Variants in CTNNA2 observed in about 807,000 individuals in gnomAD.
The protein encoded by CTNNA2 is catenin alpha-2.
Under a neutral mutation model 101.0 loss-of-function variants are expected in CTNNA2, and 42 were observed. That is an observed-to-expected ratio of 0.42 (90% CI 0.32 to 0.54). CTNNA2 has a LOEUF of 0.54. Among genes scored for constraint, CTNNA2 ranks in the 20% least tolerant of loss-of-function variants. The probability of loss-of-function intolerance (pLI) is 0.14; values close to 1 mark genes in which losing one functional copy is unlikely to be tolerated. For missense variants in CTNNA2, 871 were observed against 1,223.1 expected (o/e 0.71, Z 4.29); for synonymous variants, 450 against 456.4 (o/e 0.99, Z 0.18).
rs114742766 is a variant in CTNNA2, at chr2:80,198,582, A to G, written c.1057-194629A>G. Among the ~76,000 whole-genome samples the G allele has an allele frequency of 8.0e-3, 1,214 of 152,314 alleles. 18 individuals are homozygous for G. Among genetic ancestry groups the G allele is most frequent in the African/African-American group, 0.028 (1,154 of 41,576 alleles). On this transcript the variant is annotated intron_variant, in intron 7 of 18. Transcript: ENST00000402739. ...ATTTTTTAACAGTGTGCTTTTCAAC[A>G]TTCAATGTGTGAGACTGTTTTTAAC...
In CTNNA2 at chr2:79,827,729, A is replaced by T. The variant is rs187157352; in HGVS notation, c.299-30284A>T. Among the ~76,000 whole-genome samples, 184 of 152,342 alleles carry T rather than the reference A, an allele frequency of 1.2e-3. No individual in the cohort carries two copies. The Middle Eastern group carries it at 0.027, about 23-fold the overall frequency. On this transcript the variant is annotated intron_variant, in intron 3 of 18. Transcript: ENST00000402739. ...TGGGCACAAATATATGGTTTTTTTT[A>T]AAAGTCTTATGTGTCAACAATACTT...
At chr2:79,858,927 A>G (rs1454953541) in intron 4 of CTNNA2, among the ~76,000 whole-genome samples, 1 of 151,774 alleles carries the variant, frequency 6.6e-6, no homozygotes, top group Non-Finnish European at 1.5e-5. Flanking sequence ...GTCCTTGACT[A>G]CGGGTCGTTC....
intron 1 of CTNNA2, among the ~76,000 whole-genome samples, chr2:79,191,884 T>G (rs1186710770): frequency 1.3e-5 from 2 of 152,104 alleles, no homozygotes; most frequent in Non-Finnish European, 2.9e-5. Context: ...AGGCTGTATA[T>G]GTGAAAATGT....
At position 79,874,456 on chromosome 2, in the gene CTNNA2, A is replaced by G. The variant is rs1185530775; in HGVS notation, c.852+114A>G. On this transcript the variant is annotated intron_variant, in intron 6 of 18. Coordinates refer to ENST00000402739, the MANE Select transcript of CTNNA2 (RefSeq NM_001282597.3). ...ATTTACATTGATTTTTCTCTTTTGGAGGTTTTAATAGTAAGATAAACTACA... is the reference window on the plus strand; with the variant it reads ...ATTTACATTGATTTTTCTCTTTTGGGGGTTTTAATAGTAAGATAAACTACA... The G allele has an allele frequency of 9.7e-6, 12 of 1,232,694 alleles. No individual in the cohort carries two copies. The South Asian group carries it at 1.2e-4, about 12-fold the overall frequency. The allele number at this position is 1,232,694 out of a possible 1,614,324, so 76.4% of individuals were successfully genotyped here.
At chr2:80,217,260 A>T (rs974843343) in intron 7 of CTNNA2, among the ~76,000 whole-genome samples, 9 of 152,250 alleles carry the variant, frequency 5.9e-5, no homozygotes, top group Middle Eastern at 3.4e-3. Context: ...AGCTTAAATT[A>T]TGGACTTCAG....
chr2:79,260,340 T>A (rs1674904235), intron 2 of CTNNA2, among the ~76,000 whole-genome samples: 1 of 152,140 alleles, frequency 6.6e-6, no homozygotes, highest in Non-Finnish European at 1.5e-5. Context: ...CATGAGCATT[T>A]GTAAAATCAA....
chr2:80,282,784 A>T (rs1412625072), intron 7 of CTNNA2, among the ~76,000 whole-genome samples: 3 of 152,188 alleles, frequency 2.0e-5, no homozygotes, highest in Non-Finnish European at 4.4e-5. Flanking sequence ...ATGTCTTGCA[A>T]TCTTAGAGCT....
chr2:80,020,246 A>G (rs1365768749), intron 7 of CTNNA2, among the ~76,000 whole-genome samples: 3 of 152,208 alleles, frequency 2.0e-5, no homozygotes, highest in East Asian at 1.9e-4. Flanking sequence ...GTGAATGAGG[A>G]CACTGGAATG....
At chr2:80,603,504 G>A (rs894183599) in intron 15 of CTNNA2, 1 of 152,004 alleles carries the variant, frequency 6.6e-6, no homozygotes, top group African/African-American at 2.4e-5. Flanking sequence ...AGAGATAATT[G>A]CTTCTCAAAG....
chr2:80,509,204 C>A (rs966865349), intron 9 of CTNNA2, among the ~76,000 whole-genome samples: 2 of 152,128 alleles, frequency 1.3e-5, no homozygotes, highest in Non-Finnish European at 2.9e-5. Context: ...TGGTGAAGTT[C>A]TTTATTTTCT....
At chr2:79,777,325 TTA>T (rs1206226504) in intron 3 of CTNNA2, among the ~76,000 whole-genome samples, 5 of 124,318 alleles carry the variant, frequency 4.0e-5, no homozygotes, top group Admixed American at 1.8e-4. Flanking sequence ...CAAACACTTG[TTA>T]TGTGTGTGTG....
chr2:80,138,033 G>T (rs1043357381), intron 7 of CTNNA2, among the ~76,000 whole-genome samples: 2 of 152,102 alleles, frequency 1.3e-5, no homozygotes, highest in Non-Finnish European at 2.9e-5. Context: ...AAGATTAGGT[G>T]TGGAAAATAA....
chr2:79,630,541 A>G (rs989858243), intron 1 of CTNNA2, among the ~76,000 whole-genome samples: 1 of 152,258 alleles, frequency 6.6e-6, no homozygotes, highest in East Asian at 1.9e-4. Flanking sequence ...TTATAAAGAA[A>G]AACTTTCAGT....
intron 7 of CTNNA2, among the ~76,000 whole-genome samples, chr2:80,227,294 C>A (rs917102397): frequency 6.6e-6 from 1 of 152,030 alleles, no homozygotes; most frequent in African/African-American, 2.4e-5. Flanking sequence ...TGAATACTTA[C>A]CAAGTGTCAG....
At chr2:80,005,019 T>C (rs554733766) in intron 7 of CTNNA2, among the ~76,000 whole-genome samples, 1 of 152,260 alleles carries the variant, frequency 6.6e-6, no homozygotes, top group African/African-American at 2.4e-5. Context: ...AACTTTGATT[T>C]TCTAACACAG....
At chr2:79,469,165 A>C (rs1250806814) in intron 4 of CTNNA2, among the ~76,000 whole-genome samples, 1 of 152,218 alleles carries the variant, frequency 6.6e-6, no homozygotes, top group Non-Finnish European at 1.5e-5. Context: ...GAGAAGAATC[A>C]AATAGATGCA....
chr2:80,321,420 T>C (rs1678673354), intron 7 of CTNNA2, among the ~76,000 whole-genome samples: 1 of 152,176 alleles, frequency 6.6e-6, no homozygotes, highest in African/African-American at 2.4e-5. Context: ...GTACAGTGTA[T>C]ATTGAACGGA....
chr2:80,409,367 G>C (rs1679355728), intron 8 of CTNNA2, among the ~76,000 whole-genome samples: 1 of 152,210 alleles, frequency 6.6e-6, no homozygotes, highest in African/African-American at 2.4e-5. Flanking sequence ...GTGTTGTTTA[G>C]GCCAGCCTCC....
At chr2:79,477,720 C>T (rs544582580) in intron 4 of CTNNA2, among the ~76,000 whole-genome samples, 88 of 152,286 alleles carry the variant, frequency 5.8e-4, no homozygotes, top group African/African-American at 1.9e-3. Context: ...TTAACAAAAG[C>T]CCAGGGCTTC....
Sources: gnomAD v4.1 joint callset for allele counts (sites outside exome capture counted in the v4.1 genomes callset) on GRCh38, gnomAD v4.1.1 for gene constraint, MANE v1.5 for transcripts, NCBI Gene and HGNC (gene_info 2026-07-23, HGNC 2026-07-21) for gene names.